Variants in KIAA0586 observed in about 807,000 individuals in gnomAD.
The protein encoded by KIAA0586 is protein TALPID3.
Under a neutral mutation model 169.8 loss-of-function variants are expected in KIAA0586, and 144 were observed. The ratio of observed to expected loss-of-function variants is 0.85; its 90% CI spans 0.74 to 0.97. The LOEUF is 0.97. Among genes scored for constraint, KIAA0586 ranks in the 50% least tolerant of loss-of-function variants. The pLI, the probability that KIAA0586 is intolerant of heterozygous loss-of-function variation, is 0.00. For missense variants in KIAA0586, 1,854 were observed against 1,823.0 expected (o/e 1.02, Z -0.31); for synonymous variants, 625 against 612.4 (o/e 1.02, Z -0.30).
intron 4 of KIAA0586, among the ~76,000 whole-genome samples, chr14:58,438,650 C>G (rs542701185): frequency 2.0e-5 from 3 of 152,234 alleles, no homozygotes; most frequent in Admixed American, 6.5e-5. Context: ...AAGTAGCAAG[C>G]CTCCGTTGAT....
intron 3 of KIAA0586, 82 bp downstream of exon 3, chr14:58,430,799 G>A: frequency 1.4e-6 from 1 of 717,740 alleles, no homozygotes; most frequent in Non-Finnish European, 2.3e-6. Context: ...GTACAGTTCT[G>A]TGACAGTAAG....
At position 58,444,018 on chromosome 14, in the gene KIAA0586, C is replaced by A; in HGVS notation, c.650C>A (p.Thr217Asn). 6.2e-7 allele frequency: 1 copy of A among 1,612,002 alleles called. No homozygotes were observed. The highest frequency in any genetic ancestry group is 8.5e-7 in the Non-Finnish European group (1 of 1,178,780). ...GAATTACTTAGTAAATTACAGGAGA[C>A]TGATAAACACCTGCAACGTGTTACA... is the stretch of plus-strand genomic sequence containing the variant. ...VTELLSKLQE[T>N]DKHLQRVTEQ... The change falls in exon 6 of 31, where the codon ACT becomes AAT. Residue 217 changes from threonine (T) to asparagine (N), a missense_variant. By Grantham distance (65) the Thr-to-Asn change is moderately conservative (BLOSUM62 0). Coordinates refer to ENST00000652326, the MANE Select transcript of KIAA0586 (RefSeq NM_001329943.3).
At position 58,533,121 on chromosome 14, in the gene KIAA0586, G is replaced by A. The variant is rs139365925; in HGVS notation, c.4430-6950G>A. Among the ~76,000 whole-genome samples, 69 of 152,304 alleles carry A rather than the reference G, an allele frequency of 4.5e-4. 1 individual carries two copies. The East Asian group carries it at 0.013, about 28-fold the overall frequency. ...TTTATGTAGAAATATAGTTCTGAGAGCCTTGCGATTATTGCCTTTTGTGTC... is the reference window on the plus strand; with the variant it reads ...TTTATGTAGAAATATAGTTCTGAGAACCTTGCGATTATTGCCTTTTGTGTC... On this transcript the variant is annotated intron_variant, in intron 29 of 30. Transcript: ENST00000652326.
chr14:58,511,378 A>G (rs1046681502), intron 28 of KIAA0586, among the ~76,000 whole-genome samples: 3 of 152,200 alleles, frequency 2.0e-5, no homozygotes, highest in African/African-American at 4.8e-5. Context: ...CTAATGAGGT[A>G]GTTGTTACTA....
At chr14:58,533,848 T>TG (rs1454546483) in intron 29 of KIAA0586, among the ~76,000 whole-genome samples, 1 of 152,180 alleles carries the variant, frequency 6.6e-6, no homozygotes, top group Non-Finnish European at 1.5e-5. Context: ...AACTTGCTAT[T>TG]CAACAGAAAA....
At chr14:58,462,453 A>G (rs574453043) in intron 14 of KIAA0586, among the ~76,000 whole-genome samples, 1 of 151,928 alleles carries the variant, frequency 6.6e-6, no homozygotes, top group East Asian at 1.9e-4. Flanking sequence ...GGGTTTTGCC[A>G]CATTGGCCAG....
intron 29 of KIAA0586, among the ~76,000 whole-genome samples, chr14:58,518,416 T>C (rs1300477002): frequency 1.3e-5 from 2 of 152,224 alleles, no homozygotes; most frequent in African/African-American, 4.8e-5. Context: ...TTATGTTTTA[T>C]AATTAATAGT....
upstream of KIAA0586, chr14:58,427,628 G>C (rs1328487781): frequency 1.3e-6 from 2 of 1,535,584 alleles, no homozygotes; most frequent in Non-Finnish European, 1.7e-6. Flanking sequence ...TTTCTGGTTG[G>C]ATGTTTTGGG....
At chr14:58,533,241 T>G (rs2046090895) in intron 29 of KIAA0586, among the ~76,000 whole-genome samples, 2 of 152,264 alleles carry the variant, frequency 1.3e-5, no homozygotes, top group African/African-American at 4.8e-5. Flanking sequence ...TCAATCATTT[T>G]CTAAATTTGC....
intron 29 of KIAA0586, among the ~76,000 whole-genome samples, chr14:58,525,101 A>G (rs1223930797): frequency 6.6e-6 from 1 of 152,194 alleles, no homozygotes; most frequent in Admixed American, 6.5e-5. Flanking sequence ...CAGATAGGAA[A>G]TGAACCTATA....
chr14:58,437,893 A>G (rs2037970771), intron 4 of KIAA0586, among the ~76,000 whole-genome samples: 2 of 152,150 alleles, frequency 1.3e-5, no homozygotes, highest in Non-Finnish European at 1.5e-5. Flanking sequence ...GAGAAAACCA[A>G]ACATTTAAGG....
Position 58,444,127 on chromosome 14 carries a change from G to C in KIAA0586, c.759G>C (p.Gln253His). 1 of 1,613,532 alleles carries C rather than the reference G, an allele frequency of 6.2e-7. No individual in the cohort carries two copies. Among genetic ancestry groups the C allele is most frequent in the East Asian group, 2.2e-5 (1 of 44,842 alleles). ...HEKQMNVFME[Q>H]HIRHLEKLQQ... ...AGCAAATGAATGTGTTTATGGAGCA[G>C]CACATAAGGCATCTTGAAAAGTTAC... The change falls in exon 6 of 31, where the codon CAG becomes CAC. Residue 253 changes from glutamine to histidine, a missense_variant. Transcript: ENST00000652326.
intron 29 of KIAA0586, chr14:58,521,564 C>T: frequency 1.1e-6 from 1 of 897,912 alleles, no homozygotes; most frequent in Non-Finnish European, 1.9e-6. Flanking sequence ...CAGCATGTAT[C>T]AGGAAACATG....
intron 20 of KIAA0586, among the ~76,000 whole-genome samples, chr14:58,478,473 A>G (rs1206324243): frequency 2.0e-5 from 3 of 151,984 alleles, no homozygotes; most frequent in South Asian, 4.1e-4. Context: ...ATAGAGCGAG[A>G]CTCTGTTTCA....
chr14:58,454,831 C>A (rs1162416169), intron 9 of KIAA0586, among the ~76,000 whole-genome samples: 1 of 151,962 alleles, frequency 6.6e-6, no homozygotes, highest in East Asian at 1.9e-4. Flanking sequence ...CCCTGGTGTC[C>A]CCTCCTTCAC....
intron 8 of KIAA0586, among the ~76,000 whole-genome samples, chr14:58,452,920 A>G (rs1748973): frequency 0.98 from 146,569 of 149,824 alleles, 71,720 homozygotes; most frequent in Non-Finnish European, 0.99. Flanking sequence ...TAGGCTATAA[A>G]TTTTTTTTTT....
intron 6 of KIAA0586, among the ~76,000 whole-genome samples, chr14:58,446,565 ATAACT>A (rs1285518353): frequency 6.6e-6 from 1 of 152,126 alleles, no homozygotes; most frequent in Non-Finnish European, 1.5e-5. Context: ...GTATATATCT[ATAACT>A]TAATGACTTT....
At chr14:58,452,107 A>G (rs1023921721) in intron 8 of KIAA0586, among the ~76,000 whole-genome samples, 8 of 152,156 alleles carry the variant, frequency 5.3e-5, no homozygotes, top group South Asian at 2.1e-4. Flanking sequence ...GAATGACACA[A>G]TGGACTTTGG....
intron 27 of KIAA0586, among the ~76,000 whole-genome samples, chr14:58,502,718 C>T (rs2043660275): frequency 6.6e-6 from 1 of 152,084 alleles, no homozygotes; most frequent in African/African-American, 2.4e-5. Flanking sequence ...ATGAAAAGTA[C>T]TATCTTATAT....
Sources: allele counts gnomAD v4.1 joint callset (sites outside exome capture counted in the v4.1 genomes callset), GRCh38; gene constraint gnomAD v4.1.1; transcripts MANE v1.5; gene names NCBI Gene and HGNC (gene_info 2026-07-23, HGNC 2026-07-21).